OAT: variants seen among roughly 807,000 people sequenced by gnomAD.
OAT encodes ornithine aminotransferase, mitochondrial.
Under a neutral mutation model 48.4 loss-of-function variants are expected in OAT, and 35 were observed. That is an observed-to-expected ratio of 0.72 (90% CI 0.55 to 0.96). The LOEUF (loss-of-function observed/expected upper bound fraction) is 0.96. Ranked by LOEUF, OAT falls within the 40% of genes least tolerant of loss-of-function variation. The pLI, the probability that OAT is intolerant of heterozygous loss-of-function variation, is 0.00. For synonymous variants in OAT, 182 were observed against 198.4 expected (o/e 0.92, Z 0.70); for missense variants, 438 against 537.9 (o/e 0.81, Z 1.84).
chr10:124,416,093 T>C (rs1408645216), intron 1 of OAT, among the ~76,000 whole-genome samples: 1 of 152,186 alleles, frequency 6.6e-6, no homozygotes, highest in Admixed American at 6.5e-5. Context: ...CCCTCCCCTA[T>C]AGAATTTACT....
At position 124,401,707 on chromosome 10, in the gene OAT, T is replaced by C; in HGVS notation, c.1014+19A>G. On this transcript the variant is annotated intron_variant, in intron 8 of 9. Coordinates refer to ENST00000368845, the MANE Select transcript of OAT (RefSeq NM_000274.4). ...ATTGCTTTAAAGAATAGACACTGTG[T>C]GGCTGTATCAGTCTTTACCTCAAGG... 6.7e-7 allele frequency: 1 copy of C among 1,497,826 alleles called. No homozygotes were observed. Among genetic ancestry groups the C allele is most frequent in the South Asian group, 1.1e-5 (1 of 88,750 alleles). 92.8% of individuals were successfully genotyped at this position (1,497,826 alleles called of 1,614,324 possible).
At chr10:124,400,421 C>G (rs1951371341) in intron 9 of OAT, among the ~76,000 whole-genome samples, 1 of 148,782 alleles carries the variant, frequency 6.7e-6, no homozygotes, top group Non-Finnish European at 1.5e-5. Flanking sequence ...GCACTCCAGC[C>G]TGGCAACAGA....
intron 4 of OAT, chr10:124,406,828 A>C: frequency 3.1e-6 from 1 of 321,070 alleles, no homozygotes; most frequent in Non-Finnish European, 4.4e-6. Flanking sequence ...AAAAGTTGGG[A>C]AATAGATCAT....
chr10:124,400,224 C>T (rs1302201854), intron 9 of OAT, among the ~76,000 whole-genome samples: 4 of 151,828 alleles, frequency 2.6e-5, no homozygotes, highest in African/African-American at 9.7e-5. Context: ...CTGAGGCAGG[C>T]GGATCACGAG....
In OAT at chr10:124,398,097, C is replaced by T. The variant is rs1281980374; in HGVS notation, c.1165G>A (p.Asp389Asn). The change falls in exon 10 of 10, where the codon GAT (aspartate) becomes AAT (asparagine). Residue 389 changes from aspartate to asparagine, a missense_variant. Asp to Asn is a conservative substitution (Grantham distance 23, BLOSUM62 1). Transcript: ENST00000368845. ...AIVIKETKDW[D>N]AWKVCLRLRD... The stretch of plus-strand genomic sequence containing the variant: ...AGTCGTAGACACACCTTCCAAGCAT[C>T]CCAATCTAAAGAAAAATAGTAAAAC... The T allele has an allele frequency of 6.2e-7, 1 of 1,614,072 alleles. No homozygotes were observed. The highest frequency in any genetic ancestry group is 8.5e-7 in the Non-Finnish European group (1 of 1,180,012).
At position 124,408,984 on chromosome 10, in the gene OAT, G is replaced by A; in HGVS notation, c.200-19C>T. On this transcript the variant is annotated intron_variant, in intron 2 of 9. Coordinates refer to ENST00000368845, the MANE Select transcript of OAT (RefSeq NM_000274.4). ...TAAATACCTAAAATACATAAGAAAG[G>A]AAAATAATTTTAGACAATTACTATA... 6.3e-7 allele frequency: 1 copy of A among 1,590,350 alleles called. No individual in the cohort carries two copies. Among genetic ancestry groups the A allele is most frequent in the Non-Finnish European group, 8.6e-7 (1 of 1,159,390 alleles).
chr10:124,405,738 T>C, intron 4 of OAT, 175 bp from the exon 5 acceptor site: 1 of 1,431,318 alleles, frequency 7.0e-7, no homozygotes, highest in South Asian at 1.4e-5. Context: ...ACACCATGGC[T>C]CCTATGACAC....
intron 5 of OAT, 24 bp from the exon 6 acceptor site, chr10:124,403,944 T>C (rs1440128055): frequency 1.2e-6 from 2 of 1,613,782 alleles, no homozygotes; most frequent in Non-Finnish European, 1.7e-6. Flanking sequence ...AGGAATAAGT[T>C]TTAATAACTT....
chr10:124,417,307 T>TTC (rs1951949666), intron 1 of OAT, among the ~76,000 whole-genome samples: 4 of 141,428 alleles, frequency 2.8e-5, no homozygotes, highest in African/African-American at 7.8e-5. Context: ...TTTTTTTTTT[T>TTC]CGAGACGGAG....
At position 124,400,909 on chromosome 10, in the gene OAT, G is replaced by A. The variant is rs1195438970; in HGVS notation, c.1090C>T (p.Pro364Ser). The A allele has an allele frequency of 1.9e-6, 3 of 1,608,168 alleles. No individual in the cohort carries two copies. The Admixed American group carries it at 5.0e-5, about 27-fold the overall frequency. The change falls in exon 9 of 10, where the codon CCT (proline) becomes TCT (serine). Residue 364 changes from proline to serine, a missense_variant. Transcript: ENST00000368845. ...IILRNELMKL[P>S]SDVVTAVRGK... Reference sequence around the variant, plus strand: ...CTTACGGCAGTTACAACATCAGAAGGTAGCTTCATGAGTTCATTTCTCAAG... The same window carrying A: ...CTTACGGCAGTTACAACATCAGAAGATAGCTTCATGAGTTCATTTCTCAAG...
intron 5 of OAT, 98 bp downstream of exon 5, chr10:124,405,338 A>C: frequency 6.4e-7 from 1 of 1,559,764 alleles, no homozygotes. Flanking sequence ...AGTGAGATAA[A>C]TTTGCATTAC....
chr10:124,408,317 G>GTGTGTA (rs1554866080), intron 4 of OAT, among the ~76,000 whole-genome samples: 4 of 83,212 alleles, frequency 4.8e-5, no homozygotes, highest in African/African-American at 9.3e-5. Context: ...GTGTGTGTGT[G>GTGTGTA]TATATATATA....
At position 124,403,844 on chromosome 10, in the gene OAT, T is replaced by A; in HGVS notation, c.725A>T (p.Asp242Val). 1 of 1,614,124 alleles carries A rather than the reference T, an allele frequency of 6.2e-7. No homozygotes were observed. Among genetic ancestry groups the A allele is most frequent in the Non-Finnish European group, 8.5e-7 (1 of 1,180,006 alleles). ...TCGCACTCCCATTAGGTAACCTGGA[T>A]CCGGAACAACAACGCCTGCTTCACC... Reference protein sequence around the residue: ...IQGEAGVVVPDPGYLMGVREL... With the variant: ...IQGEAGVVVPVPGYLMGVREL... Residue 242 changes from aspartate (D) to valine (V), a missense_variant, in exon 6 of 10, where the codon GAT (aspartate) becomes GTT (valine). Asp to Val is a radical substitution (Grantham distance 152). Transcript: ENST00000368845.
intron 1 of OAT, chr10:124,415,074 TAAAAAAAAAAAAAAAAAAAA>T (rs75952005): frequency 6.5e-4 from 11 of 16,854 alleles, no homozygotes; most frequent in East Asian, 3.8e-3. Flanking sequence ...TACAAAGCGC[TAAAAAAAAAAAAAAAAAAAA>T]AAAAAAAAAA....
At position 124,408,335 on chromosome 10, in the gene OAT, ATATATATATTTT is replaced by A. The variant is rs746273856; in HGVS notation, c.520+195_520+206del. ...TGTGTGTGTATATATATATATATATATATATATATTTTTTTTTTTTTTTTTTAAATAGAGACA... is the reference window on the plus strand; with the variant it reads ...TGTGTGTGTATATATATATATATATATTTTTTTTTTTTTTAAATAGAGACA... On this transcript the variant is annotated intron_variant, in intron 4 of 9. Coordinates refer to ENST00000368845, the MANE Select transcript of OAT (RefSeq NM_000274.4). Among the ~76,000 whole-genome samples the A allele has an allele frequency of 0.07, 7,175 of 102,608 alleles. 325 individuals carry two copies. The highest frequency in any genetic ancestry group is 0.096 in the Non-Finnish European group (4,993 of 52,128). 67.3% of individuals were successfully genotyped at this position (102,608 alleles called of 152,430 possible). A position where few individuals can be genotyped will look rare whatever the true frequency, so the allele number is the denominator to read the frequency against.
At chr10:124,403,135 C>T (rs1951463935) in intron 6 of OAT, 80 bp from the exon 7 acceptor site, 2 of 1,471,368 alleles carry the variant, frequency 1.4e-6, no homozygotes, top group Admixed American at 1.7e-5. Flanking sequence ...TTCACTGTCC[C>T]CCCACCAACA....
chr10:124,412,240 T>G, intron 1 of OAT, 40 bp from the exon 2 acceptor site: 14 of 1,440,514 alleles, frequency 9.7e-6, no homozygotes, highest in Non-Finnish European at 1.2e-5. Context: ...GTGAGAATCC[T>G]TGGCTTATGC....
intron 7 of OAT, 56 bp from the exon 8 acceptor site, chr10:124,401,895 A>G: frequency 7.5e-7 from 1 of 1,328,284 alleles, no homozygotes; most frequent in African/African-American, 1.4e-5. Context: ...TCTACTAAGC[A>G]TCCTTTTCCC....
chr10:124,403,896 C>A lies in OAT; in HGVS notation c.673G>T (p.Ala225Ser), dbSNP rs1410357535. The change falls in exon 6 of 10, where the codon GCT (alanine) becomes TCT (serine). Residue 225 changes from alanine (A) to serine (S), a missense_variant. Coordinates refer to ENST00000368845, the MANE Select transcript of OAT (RefSeq NM_000274.4). ...TGAATTGGTTCTACCATGAACGCAG[C>A]CACATTTGGATCCTGAAGAGCACGC... Reference protein sequence around the residue: ...LERALQDPNVAAFMVEPIQGE... With the variant: ...LERALQDPNVSAFMVEPIQGE... The A allele has an allele frequency of 6.2e-7, 1 of 1,614,104 alleles. No homozygotes were observed. Among genetic ancestry groups the A allele is most frequent in the Admixed American group, 1.7e-5 (1 of 60,024 alleles).
Sources: allele counts gnomAD v4.1 joint callset (sites outside exome capture counted in the v4.1 genomes callset), GRCh38; gene constraint gnomAD v4.1.1; transcripts MANE v1.5; gene names NCBI Gene and HGNC (gene_info 2026-07-23, HGNC 2026-07-21).